Variants in MORC1 observed in about 807,000 individuals in gnomAD.
The protein encoded by MORC1 is MORC family CW-type zinc finger protein 1.
Under a neutral mutation model 134.9 loss-of-function variants are expected in MORC1, and 59 were observed. The ratio of observed to expected loss-of-function variants is 0.44; its 90% CI spans 0.35 to 0.54. The LOEUF (loss-of-function observed/expected upper bound fraction) is 0.54. Among genes scored for constraint, MORC1 ranks in the 20% least tolerant of loss-of-function variants. The pLI is 0.00. For missense variants in MORC1, 947 were observed against 1,134.5 expected (o/e 0.83, Z 2.37); for synonymous variants, 395 against 391.7 (o/e 1.01, Z -0.10).
chr3:109,073,018 A>G (rs1950351973), intron 8 of MORC1, among the ~76,000 whole-genome samples: 1 of 151,908 alleles, frequency 6.6e-6, no homozygotes, highest in South Asian at 2.1e-4. Context: ...AGAGGAGAGT[A>G]TTTCAAGGCA....
At chr3:109,072,827 C>T (rs1027627495) in intron 8 of MORC1, among the ~76,000 whole-genome samples, 1 of 152,024 alleles carries the variant, frequency 6.6e-6, no homozygotes, top group Non-Finnish European at 1.5e-5. Context: ...TTCCTGTCTC[C>T]TTACACTTTG....
intron 20 of MORC1, among the ~76,000 whole-genome samples, chr3:109,002,057 C>T (rs561722321): frequency 6.6e-6 from 1 of 152,216 alleles, no homozygotes; most frequent in South Asian, 2.1e-4. Flanking sequence ...AGAGTTACCT[C>T]CTCCATCACC....
At chr3:109,032,665 A>G in intron 16 of MORC1, 55 bp downstream of exon 16, 1 of 1,252,202 alleles carries the variant, frequency 8.0e-7, no homozygotes, top group South Asian at 1.4e-5. Context: ...GTTCATACAT[A>G]TGAACTTTAG....
At chr3:109,055,583 C>T (rs539527692) in intron 13 of MORC1, among the ~76,000 whole-genome samples, 1 of 152,296 alleles carries the variant, frequency 6.6e-6, no homozygotes, top group Non-Finnish European at 1.5e-5. Context: ...CTTCATTCTT[C>T]TAGAAGGCCT....
intron 6 of MORC1, among the ~76,000 whole-genome samples, chr3:109,098,787 C>T (rs1182762301): frequency 6.6e-6 from 1 of 152,168 alleles, no homozygotes; most frequent in Non-Finnish European, 1.5e-5. Context: ...TGACCTTCTG[C>T]TTCTTTTCTA....
At position 108,979,565 on chromosome 3, in the gene MORC1, A is replaced by C; in HGVS notation, c.2427T>G (p.Ser809=). 1 of 1,614,186 alleles carries C rather than the reference A, an allele frequency of 6.2e-7. No homozygotes were observed. The highest frequency in any genetic ancestry group is 8.5e-7 in the Non-Finnish European group (1 of 1,180,018). The stretch of plus-strand genomic sequence containing the variant: ...CTGTTTCCTTGACAGGTGTGCTTTG[A>C]GAAGACGCTGGCGAAGAAGCAACTT... ...SCKVASSPAS[S]QSTPVKETVR... The change falls in exon 24 of 28, where the codon TCT becomes TCG. Residue 809 remains serine, a synonymous_variant. Coordinates refer to ENST00000232603, the MANE Select transcript of MORC1 (RefSeq NM_014429.4).
chr3:108,995,032 T>C (rs1274725103), intron 21 of MORC1, among the ~76,000 whole-genome samples: 3 of 152,216 alleles, frequency 2.0e-5, no homozygotes, highest in African/African-American at 7.2e-5. Flanking sequence ...AAGCATTGTA[T>C]AGTAACACCT....
chr3:109,078,503 CAGTA>C (rs1950463734), intron 8 of MORC1, among the ~76,000 whole-genome samples: 2 of 151,890 alleles, frequency 1.3e-5, no homozygotes, highest in Non-Finnish European at 2.9e-5. Context: ...AAATAAACAA[CAGTA>C]AGAGTTCTAT....
chr3:108,977,939 G>A (rs558634497), intron 24 of MORC1, among the ~76,000 whole-genome samples: 276 of 152,158 alleles, frequency 1.8e-3, no homozygotes, highest in Admixed American at 4.6e-3. Context: ...GTGCAGTGGC[G>A]CGATCTCAGC....
intron 17 of MORC1, among the ~76,000 whole-genome samples, chr3:109,023,162 T>C (rs879338093): frequency 2.0e-5 from 3 of 152,164 alleles, no homozygotes; most frequent in Non-Finnish European, 4.4e-5. Context: ...CTTGAAGGAC[T>C]GGAGAAGGAC....
At chr3:109,117,185 T>C (rs1045649006) in intron 1 of MORC1, among the ~76,000 whole-genome samples, 5 of 152,112 alleles carry the variant, frequency 3.3e-5, no homozygotes, top group Admixed American at 2.0e-4. Flanking sequence ...TGTTTAACTC[T>C]GCTATGTTAA....
chr3:108,967,166 T>G (rs1025072968), intron 26 of MORC1, among the ~76,000 whole-genome samples: 1 of 152,192 alleles, frequency 6.6e-6, no homozygotes, highest in Non-Finnish European at 1.5e-5. Context: ...TCCTGCATGT[T>G]AAGGGGATAC....
chr3:109,105,154 G>A (rs1413648485), intron 3 of MORC1, among the ~76,000 whole-genome samples: 3 of 152,036 alleles, frequency 2.0e-5, no homozygotes, highest in Admixed American at 6.5e-5. Context: ...AGGCCAAGGA[G>A]GGAGGATGGC....
intron 6 of MORC1, among the ~76,000 whole-genome samples, chr3:109,097,903 G>A (rs1013834028): frequency 4.6e-5 from 7 of 152,078 alleles, no homozygotes; most frequent in South Asian, 2.1e-4. Context: ...TGTTGAGGGC[G>A]GGGGATGAGA....
chr3:109,037,228 A>G (rs1354574994), intron 14 of MORC1, among the ~76,000 whole-genome samples: 6 of 152,070 alleles, frequency 3.9e-5, no homozygotes, highest in Non-Finnish European at 8.8e-5. Flanking sequence ...ACCCTATTAA[A>G]TGTTTCTTTC....
chr3:108,985,904 A>G (rs1947882408), intron 22 of MORC1, among the ~76,000 whole-genome samples: 1 of 152,188 alleles, frequency 6.6e-6, no homozygotes, highest in South Asian at 2.1e-4. Context: ...GGAATTGCAA[A>G]TTATTGTAAT....
intron 24 of MORC1, among the ~76,000 whole-genome samples, chr3:108,975,115 G>T (rs770922097): frequency 3.9e-5 from 6 of 152,068 alleles, no homozygotes; most frequent in Non-Finnish European, 7.4e-5. Context: ...GGTAGACATG[G>T]GCAGGAGTCC....
At chr3:108,990,924 C>A (rs1948041279) in intron 21 of MORC1, among the ~76,000 whole-genome samples, 1 of 151,690 alleles carries the variant, frequency 6.6e-6, no homozygotes, top group South Asian at 2.1e-4. Context: ...CTCTCTCTCT[C>A]TCTCAACTGT....
At chr3:109,044,285 A>T (rs2107643483) in intron 14 of MORC1, among the ~76,000 whole-genome samples, 1 of 152,304 alleles carries the variant, frequency 6.6e-6, no homozygotes, top group African/African-American at 2.4e-5. Context: ...TGGGGAAAAA[A>T]AAAAGGGAAA....
Sources: gnomAD v4.1 joint callset for allele counts (sites outside exome capture counted in the v4.1 genomes callset) on GRCh38, gnomAD v4.1.1 for gene constraint, MANE v1.5 for transcripts, NCBI Gene and HGNC (gene_info 2026-07-23, HGNC 2026-07-21) for gene names.